Variants in ODAD2 observed in about 807,000 individuals in gnomAD.
ODAD2 encodes outer dynein arm-docking complex subunit 2.
ODAD2 carries 89 observed loss-of-function variants against 106.8 expected under a neutral mutation model. The ratio of observed to expected loss-of-function variants is 0.83; its 90% CI spans 0.70 to 0.99. The LOEUF is 0.99. ODAD2 is among the 50% of genes least tolerant of loss of function. The pLI is 0.00. For missense variants in ODAD2, 1,168 were observed against 1,238.5 expected (o/e 0.94, Z 0.85); for synonymous variants, 404 against 436.2 (o/e 0.93, Z 0.92).
chr10:27,885,575 TATAA>T (rs1177144150), intron 17 of ODAD2, among the ~76,000 whole-genome samples: 4 of 40,094 alleles, frequency 1.0e-4, no homozygotes, highest in African/African-American at 3.8e-4. Flanking sequence ...TATATATATA[TATAA>T]ATATATAAAT....
chr10:27,879,474 G>A (rs1841563879), intron 17 of ODAD2, among the ~76,000 whole-genome samples: 1 of 151,622 alleles, frequency 6.6e-6, no homozygotes, highest in African/African-American at 2.4e-5. Flanking sequence ...ATATTTAAAT[G>A]TCTTTCCTGC....
chr10:27,994,665 T>C (rs1222319615), intron 2 of ODAD2, among the ~76,000 whole-genome samples: 1 of 152,148 alleles, frequency 6.6e-6, no homozygotes, highest in Non-Finnish European at 1.5e-5. Context: ...GGATAACGGA[T>C]GCCCTGTTAA....
intron 19 of ODAD2, among the ~76,000 whole-genome samples, chr10:27,844,840 T>C (rs1050950033): frequency 1.3e-5 from 2 of 152,134 alleles, no homozygotes; most frequent in Non-Finnish European, 2.9e-5. Context: ...GGGAGGAAAA[T>C]TTATTTGGCT....
chr10:27,902,428 G>C (rs952934665), intron 17 of ODAD2, among the ~76,000 whole-genome samples: 1 of 151,946 alleles, frequency 6.6e-6, no homozygotes, highest in Admixed American at 6.6e-5. Context: ...GCTAGCAGAA[G>C]ACAAGAAATA....
chr10:27,890,635 G>C (rs1842494825), intron 17 of ODAD2, among the ~76,000 whole-genome samples: 1 of 151,990 alleles, frequency 6.6e-6, no homozygotes, highest in Admixed American at 6.6e-5. Context: ...GAGAGATAGG[G>C]AGGAGAAAGG....
chr10:27,997,981 C>T (rs900325356), intron 1 of ODAD2, among the ~76,000 whole-genome samples: 4 of 152,188 alleles, frequency 2.6e-5, no homozygotes, highest in African/African-American at 7.2e-5. Flanking sequence ...AATCACTTAG[C>T]ACTCATTTTT....
chr10:27,877,783 C>T (rs1196922427), intron 17 of ODAD2, among the ~76,000 whole-genome samples: 2 of 152,064 alleles, frequency 1.3e-5, no homozygotes, highest in African/African-American at 4.8e-5. Flanking sequence ...TCTGTAATGG[C>T]AAAACCCTTA....
chr10:27,996,904 C>T (rs1850586319), intron 1 of ODAD2, among the ~76,000 whole-genome samples: 1 of 152,096 alleles, frequency 6.6e-6, no homozygotes, highest in Admixed American at 6.5e-5. Flanking sequence ...GGTACTTGAG[C>T]GTTTACATGC....
intron 3 of ODAD2, among the ~76,000 whole-genome samples, chr10:27,986,110 C>T (rs905060499): frequency 1.1e-4 from 16 of 152,054 alleles, no homozygotes; most frequent in Non-Finnish European, 2.2e-4. Flanking sequence ...ATGGGATATG[C>T]CAAGGCCTTA....
rs565830972 is a variant in ODAD2 at position 27,853,759 on chromosome 10, G to A, written c.3021+6866C>T. ...ATTAGTATCATAAAAAAGTTTACTC[G>A]AATGGGTCATAGACTAAAAGTGAAA... On this transcript the variant is annotated intron_variant, in intron 19 of 19. Coordinates refer to ENST00000305242, the MANE Select transcript of ODAD2 (RefSeq NM_018076.5). 6.6e-5 allele frequency among the ~76,000 whole-genome samples: 10 copies of A among 152,126 alleles called. No individual in the cohort carries two copies. In the East Asian group the frequency reaches 1.4e-3, roughly 21 times the overall value.
intron 10 of ODAD2, among the ~76,000 whole-genome samples, chr10:27,953,931 C>G (rs2132738353): frequency 6.6e-6 from 1 of 152,274 alleles, no homozygotes; most frequent in East Asian, 1.9e-4. Context: ...GCCACACCCA[C>G]TCAGGGAGCA....
In ODAD2 at chr10:27,862,538, C is replaced by T. The variant is rs1351261367; in HGVS notation, c.2695G>A (p.Ala899Thr). ...LLKSDNKEVL[A>T]SVCAAITNIA... Reference sequence around the variant, plus strand: ...TTGGTAATGGCAGCACATACACTTGCCAGAACTTCTTTGTTATCTGATTTC... The same window carrying T: ...TTGGTAATGGCAGCACATACACTTGTCAGAACTTCTTTGTTATCTGATTTC... Residue 899 changes from alanine to threonine, a missense_variant, in exon 18 of 20, where the codon GCA (alanine) becomes ACA (threonine). Physicochemically the swap from Ala to Thr is moderately conservative, Grantham distance 58. This residue lies in a region of ODAD2 where 701 missense variants were observed against 712.3 expected (regional missense o/e 0.98). Coordinates refer to ENST00000305242, the MANE Select transcript of ODAD2 (RefSeq NM_018076.5). 11 of 1,611,338 alleles carry T rather than the reference C, an allele frequency of 6.8e-6. No homozygotes were observed. The highest frequency in any genetic ancestry group is 9.3e-6 in the Non-Finnish European group (11 of 1,178,824).
chr10:27,913,191 G>A (rs907088186), intron 16 of ODAD2, among the ~76,000 whole-genome samples: 6 of 152,022 alleles, frequency 3.9e-5, no homozygotes, highest in African/African-American at 1.4e-4. Flanking sequence ...GGTAAATTAC[G>A]TGTCGCGGGG....
intron 17 of ODAD2, among the ~76,000 whole-genome samples, chr10:27,879,480 C>T (rs1290120928): frequency 6.6e-6 from 1 of 151,528 alleles, no homozygotes; most frequent in Non-Finnish European, 1.5e-5. Context: ...AAATGTCTTT[C>T]CTGCTTATAC....
At chr10:27,998,599 C>T (rs1401918709) in intron 1 of ODAD2, among the ~76,000 whole-genome samples, 1 of 147,354 alleles carries the variant, frequency 6.8e-6, no homozygotes, top group East Asian at 2.0e-4. Flanking sequence ...AACCTAGGGC[C>T]GAGGCAGGGT....
intron 10 of ODAD2, among the ~76,000 whole-genome samples, chr10:27,958,127 A>G (rs1271912694): frequency 6.6e-6 from 1 of 152,188 alleles, no homozygotes; most frequent in Non-Finnish European, 1.5e-5. Context: ...TGTGAAGAAT[A>G]TTTACCTGTG....
At chr10:27,849,781 T>G (rs1839106837) in intron 19 of ODAD2, among the ~76,000 whole-genome samples, 1 of 152,184 alleles carries the variant, frequency 6.6e-6, no homozygotes, top group South Asian at 2.1e-4. Flanking sequence ...TAGTTCCTAA[T>G]GGGTTTCATA....
chr10:27,856,306 T>C (rs1451837752), intron 19 of ODAD2, among the ~76,000 whole-genome samples: 1 of 152,144 alleles, frequency 6.6e-6, no homozygotes, highest in Non-Finnish European at 1.5e-5. Context: ...TCTTACCTCT[T>C]CTAAAACACA....
At chr10:27,969,160 C>T in intron 8 of ODAD2, 142 bp from the exon 9 acceptor site, 1 of 608,118 alleles carries the variant, frequency 1.6e-6, no homozygotes, top group Non-Finnish European at 2.9e-6. Flanking sequence ...CAGCCTCATT[C>T]TGACACTCGG....
Sources: allele counts gnomAD v4.1 joint callset (sites outside exome capture counted in the v4.1 genomes callset), GRCh38; gene constraint gnomAD v4.1.1; regional missense constraint gnomAD v4.1.1; transcripts MANE v1.5; gene names NCBI Gene and HGNC (gene_info 2026-07-23, HGNC 2026-07-21).